The following KCTD1 variants were observed in gnomAD, a reference collection of about 807,000 sequenced individuals.
KCTD1 encodes the protein potassium channel tetramerization domain containing 1.
KCTD1 carries 24 observed loss-of-function variants against 66.0 expected under a neutral mutation model. The ratio of observed to expected loss-of-function variants is 0.36; its 90% CI spans 0.26 to 0.51. KCTD1 has a LOEUF of 0.51. Among genes scored for constraint, KCTD1 ranks in the 20% least tolerant of loss-of-function variants. The pLI, the probability that KCTD1 is intolerant of heterozygous loss-of-function variation, is 0.95. For synonymous variants in KCTD1, 511 were observed against 517.2 expected, an observed-to-expected ratio of 0.99 and a Z score of 0.16; for missense variants, 943 against 1,205.2, an observed-to-expected ratio of 0.78 and a Z score of 3.22.
At chr18:26,539,336 T>A (rs984054318) in intron 1 of KCTD1, among the ~76,000 whole-genome samples, 1 of 152,204 alleles carries the variant, frequency 6.6e-6, no homozygotes, top group Non-Finnish European at 1.5e-5. Context: ...CATCGGCCAG[T>A]GCTCAAGATG....
chr18:26,632,034 A>C (rs1987631156), upstream of KCTD1, among the ~76,000 whole-genome samples: 1 of 151,918 alleles, frequency 6.6e-6, no homozygotes, highest in East Asian at 1.9e-4. Flanking sequence ...TGGGTGACAG[A>C]GTGAGACTCC....
At chr18:26,581,871 C>G (rs1197830854) in intron 1 of KCTD1, 1 of 151,746 alleles carries the variant, frequency 6.6e-6, no homozygotes, top group Non-Finnish European at 1.5e-5. Context: ...ATGGCCAAAA[C>G]CATCATAAGT....
At chr18:26,551,044 G>GC (rs1170731120), upstream of KCTD1, among the ~76,000 whole-genome samples, 3 of 152,080 alleles carry the variant, frequency 2.0e-5, no homozygotes, top group African/African-American at 7.2e-5. Flanking sequence ...GAGCGGAGCC[G>GC]CCCCCCAGGT....
chr18:26,484,525 G>A (rs1050831511), intron 2 of KCTD1, among the ~76,000 whole-genome samples: 1 of 152,154 alleles, frequency 6.6e-6, no homozygotes, highest in Non-Finnish European at 1.5e-5. Context: ...TCTCTGGTAA[G>A]CTTATTAATC....
chr18:26,544,100 T>C (rs1985099897), intron 1 of KCTD1: 1 of 152,210 alleles, frequency 6.6e-6, no homozygotes. Flanking sequence ...AACTGGATCA[T>C]TTTAGATCAC....
chr18:26,491,495 G>A (rs1318266834), intron 2 of KCTD1, among the ~76,000 whole-genome samples: 1 of 152,194 alleles, frequency 6.6e-6, no homozygotes, highest in Non-Finnish European at 1.5e-5. Context: ...CTGGACATGT[G>A]GGCCTGAAAG....
At chr18:26,475,695 A>G (rs1981308122) in intron 3 of KCTD1, among the ~76,000 whole-genome samples, 1 of 152,046 alleles carries the variant, frequency 6.6e-6, no homozygotes, top group South Asian at 2.1e-4. Context: ...TACTAAAAAT[A>G]TGAAAAATTA....
chr18:26,533,383 G>C (rs1031335920), intron 1 of KCTD1, among the ~76,000 whole-genome samples: 2 of 152,238 alleles, frequency 1.3e-5, no homozygotes, highest in Non-Finnish European at 2.9e-5. Context: ...AGGGGGCTAA[G>C]AGAATGACTT....
intron 1 of KCTD1, among the ~76,000 whole-genome samples, chr18:26,593,351 G>GGAGGAA (rs1389889928): frequency 2.7e-4 from 12 of 43,924 alleles, no homozygotes; most frequent in African/African-American, 5.9e-4. Context: ...AGGAAGAGGA[G>GGAGGAA]GAGGAGGAAG....
chr18:26,632,190 G>A (rs1163621277), upstream of KCTD1, among the ~76,000 whole-genome samples: 1 of 151,744 alleles, frequency 6.6e-6, no homozygotes, highest in African/African-American at 2.4e-5. Context: ...TTTGAGACCA[G>A]CCTGGCCAAC....
chr18:26,515,509 CTTTTTTTTTT>C, intron 1 of KCTD1, among the ~76,000 whole-genome samples: 1 of 133,110 alleles, frequency 7.5e-6, no homozygotes, highest in Middle Eastern at 3.8e-3. Flanking sequence ...CCTCTTTTTT[CTTTTTTTTTT>C]TTTTTTGAGA....
upstream of KCTD1, among the ~76,000 whole-genome samples, chr18:26,552,968 T>TA (rs1487131848): frequency 6.6e-6 from 1 of 151,792 alleles, no homozygotes; most frequent in African/African-American, 2.4e-5. Flanking sequence ...ATCTTGGTTT[T>TA]AGAGGTTTCT....
intron 2 of KCTD1, among the ~76,000 whole-genome samples, chr18:26,496,318 A>G (rs529965139): frequency 1.3e-5 from 2 of 152,190 alleles, no homozygotes; most frequent in Admixed American, 6.5e-5. Context: ...TTATCCATTT[A>G]TAATTCTTTT....
At chr18:26,641,087 A>C (rs563779872), upstream of KCTD1, among the ~76,000 whole-genome samples, 35 of 152,154 alleles carry the variant, frequency 2.3e-4, no homozygotes, top group Non-Finnish European at 4.4e-4. Context: ...CCTGCAGTTC[A>C]TCTCACTGTC....
chr18:26,478,644 A>T (rs1293276519), intron 2 of KCTD1, among the ~76,000 whole-genome samples: 2 of 152,232 alleles, frequency 1.3e-5, no homozygotes, highest in Non-Finnish European at 2.9e-5. Context: ...ATGAGTGATT[A>T]ATAAACCTAT....
intron 1 of KCTD1, among the ~76,000 whole-genome samples, chr18:26,504,521 A>T (rs1045844215): frequency 6.6e-6 from 1 of 151,866 alleles, no homozygotes; most frequent in Non-Finnish European, 1.5e-5. Flanking sequence ...ATGAGCTACC[A>T]CATCTGGCCT....
intron 1 of KCTD1, among the ~76,000 whole-genome samples, chr18:26,558,871 C>T (rs1158419246): frequency 6.6e-6 from 1 of 151,348 alleles, no homozygotes; most frequent in Non-Finnish European, 1.5e-5. Context: ...TGCAGTGAGC[C>T]GAGATTGCAC....
chr18:26,513,969 A>T (rs1013676225), intron 1 of KCTD1, among the ~76,000 whole-genome samples: 1 of 152,232 alleles, frequency 6.6e-6, no homozygotes, highest in African/African-American at 2.4e-5. Flanking sequence ...ACTTGCCTCC[A>T]CTGGCAGGAG....
upstream of KCTD1, among the ~76,000 whole-genome samples, chr18:26,641,375 A>C (rs1292327328): frequency 6.6e-6 from 1 of 152,140 alleles, no homozygotes; most frequent in African/African-American, 2.4e-5. Context: ...TGGATTTTTT[A>C]AAGTATTCTT....
Sources: gnomAD v4.1 joint callset for allele counts (sites outside exome capture counted in the v4.1 genomes callset) on GRCh38, gnomAD v4.1.1 for gene constraint, MANE v1.5 for transcripts, NCBI Gene and HGNC (gene_info 2026-07-23, HGNC 2026-07-21) for gene names.